Variants in HCN1 observed in about 807,000 individuals in gnomAD.
HCN1 encodes hyperpolarization activated cyclic nucleotide gated potassium channel 1.
Under a neutral mutation model 78.9 loss-of-function variants are expected in HCN1, and 13 were observed. That is an observed-to-expected ratio of 0.16 (90% CI 0.11 to 0.26). The LOEUF (loss-of-function observed/expected upper bound fraction) is 0.26. Ranked by LOEUF, HCN1 falls within the 10% of genes least tolerant of loss-of-function variation. The pLI, the probability that HCN1 is intolerant of heterozygous loss-of-function variation, is 1.00. For missense variants in HCN1, 810 were observed against 1,154.3 expected (o/e 0.70, Z 4.32); for synonymous variants, 552 against 455.5 (o/e 1.21, Z -2.70).
chr5:45,324,088 GC>G (rs35429650), intron 5 of HCN1, among the ~76,000 whole-genome samples: 34,629 of 151,708 alleles, frequency 0.23, 5,056 homozygotes, highest in African/African-American at 0.41. Context: ...TAATGGGATG[GC>G]TGGGTCAAAT....
At chr5:45,519,231 C>A (rs1242954245) in intron 2 of HCN1, among the ~76,000 whole-genome samples, 2 of 151,878 alleles carry the variant, frequency 1.3e-5, no homozygotes, top group East Asian at 3.9e-4. Flanking sequence ...CCTAAGTAAT[C>A]AAGATAATGA....
chr5:45,580,556 C>CT (rs1300270895), intron 2 of HCN1, among the ~76,000 whole-genome samples: 1 of 151,688 alleles, frequency 6.6e-6, no homozygotes, highest in Non-Finnish European at 1.5e-5. Context: ...GTTTATTATA[C>CT]TTTTAAGTTT....
chr5:45,672,393 G>A lies in HCN1; in HGVS notation c.425+23276C>T, dbSNP rs1013454773. 2.8e-4 allele frequency among the ~76,000 whole-genome samples: 43 copies of A among 151,544 alleles called. No homozygotes were observed. In the Middle Eastern group the frequency reaches 0.01, roughly 36 times the overall value. ...AGCTTCTTTAGGACTCAGTGAGCTT[G>A]AACAGACAGAAGGATGTTTTCAGAT... is the stretch of plus-strand genomic sequence containing the variant. On this transcript the variant is annotated intron_variant, in intron 1 of 7. Coordinates refer to ENST00000303230, the MANE Select transcript of HCN1 (RefSeq NM_021072.4).
At chr5:45,344,126 G>T (rs1031826371) in intron 5 of HCN1, among the ~76,000 whole-genome samples, 1 of 152,082 alleles carries the variant, frequency 6.6e-6, no homozygotes, top group Non-Finnish European at 1.5e-5. Flanking sequence ...TTCACAAGAT[G>T]GCAGCAAGGA....
intron 4 of HCN1, among the ~76,000 whole-genome samples, chr5:45,373,985 A>T (rs1472589207): frequency 1.8e-5 from 2 of 112,608 alleles, no homozygotes; most frequent in African/African-American, 4.3e-5. Context: ...TAGATACATA[A>T]TATATATAAT....
chr5:45,644,012 C>A (rs1024690559), intron 2 of HCN1: 3 of 151,876 alleles, frequency 2.0e-5, no homozygotes, highest in Non-Finnish European at 4.4e-5. Context: ...ATTTTTATGC[C>A]TTTTTATCAG....
chr5:45,487,328 G>T (rs1167247869), intron 2 of HCN1, among the ~76,000 whole-genome samples: 1 of 151,988 alleles, frequency 6.6e-6, no homozygotes, highest in Non-Finnish European at 1.5e-5. Flanking sequence ...TCTTCATTTG[G>T]TAACTATATA....
chr5:45,374,065 A>T (rs1235113938), intron 4 of HCN1, among the ~76,000 whole-genome samples: 74 of 105,346 alleles, frequency 7.0e-4, no homozygotes, highest in Non-Finnish European at 1.0e-3. Flanking sequence ...TTATATATAT[A>T]ATATATATAA....
At chr5:45,305,564 A>C (rs1167160548) in intron 5 of HCN1, among the ~76,000 whole-genome samples, 1 of 152,110 alleles carries the variant, frequency 6.6e-6, no homozygotes, top group Non-Finnish European at 1.5e-5. Flanking sequence ...GAAATTTGTG[A>C]TAATTTTAGC....
intron 4 of HCN1, among the ~76,000 whole-genome samples, chr5:45,373,152 TA>T (rs975543772): frequency 1.6e-3 from 204 of 125,488 alleles, no homozygotes; most frequent in Non-Finnish European, 2.8e-3. Context: ...ATAATATATA[TA>T]AAAATATATG....
intron 1 of HCN1, among the ~76,000 whole-genome samples, chr5:45,655,177 A>G (rs1745742312): frequency 6.6e-6 from 1 of 152,102 alleles, no homozygotes; most frequent in Admixed American, 6.6e-5. Flanking sequence ...TCTGGATATA[A>G]CAATTTGTCT....
Position 45,258,913 on chromosome 5 carries a change from AC to A in HCN1, c.*3007del, listed in dbSNP as rs1579759980. 1.3e-5 allele frequency: 2 copies of A among 152,064 alleles called. No homozygotes were observed. Among genetic ancestry groups the A allele is most frequent in the East Asian group, 3.8e-4 (2 of 5,198 alleles). 9.4% of individuals were successfully genotyped at this position (152,064 alleles called of 1,614,324 possible). On this transcript the variant is annotated 3_prime_UTR_variant, in exon 8 of 8. Coordinates refer to ENST00000303230, the MANE Select transcript of HCN1 (RefSeq NM_021072.4). ...TACAGGACAATTATTTACCATTATT[AC>A]AGGAAAATTATTTCTCATCTGTATA...
At chr5:45,544,909 T>C (rs1345016906) in intron 2 of HCN1, among the ~76,000 whole-genome samples, 1 of 152,152 alleles carries the variant, frequency 6.6e-6, no homozygotes, top group African/African-American at 2.4e-5. Flanking sequence ...GCAATAAACA[T>C]ATGTGTGCAT....
chr5:45,519,430 G>A lies in HCN1; in HGVS notation c.850-57423C>T, dbSNP rs1052682144. On this transcript the variant is annotated intron_variant, in intron 2 of 7. Transcript: ENST00000303230. ...TGCTAATTTTTTAGTAGATAAGTCC[G>A]AAAAGTAGGCCATAGTAGTTCTACT... Among the ~76,000 whole-genome samples, 3 of 151,908 alleles carry A rather than the reference G, an allele frequency of 2.0e-5. No homozygotes were observed. The South Asian group carries it at 6.2e-4, about 31-fold the overall frequency.
chr5:45,677,966 G>A lies in HCN1; in HGVS notation c.425+17703C>T, dbSNP rs544122109. 3.3e-4 allele frequency among the ~76,000 whole-genome samples: 49 copies of A among 149,366 alleles called. 1 individual carries two copies. Among genetic ancestry groups the A allele is most frequent in the Admixed American group, 1.7e-3 (25 of 14,936 alleles). On this transcript the variant is annotated intron_variant, in intron 1 of 7. Coordinates refer to ENST00000303230, the MANE Select transcript of HCN1 (RefSeq NM_021072.4). The stretch of plus-strand genomic sequence containing the variant: ...GTGATACCTACCTCATCTTTCCAAA[G>A]ATTAAACACATACACACACACATAC...
rs1209493542 is a variant in HCN1, at chr5:45,504,952, T to A, written c.850-42945A>T. 3.3e-5 allele frequency among the ~76,000 whole-genome samples: 5 copies of A among 152,200 alleles called. No individual in the cohort carries two copies. In the East Asian group the frequency reaches 5.8e-4, roughly 18 times the overall value. On this transcript the variant is annotated intron_variant, in intron 2 of 7. Coordinates refer to ENST00000303230, the MANE Select transcript of HCN1 (RefSeq NM_021072.4). ...GCCCACTTTTTGATGGGGTTGTTTG[T>A]TTTTTTCTTGTAAATTTGTTTGAGT...
At chr5:45,440,905 T>A (rs1364927895) in intron 3 of HCN1, among the ~76,000 whole-genome samples, 2 of 152,190 alleles carry the variant, frequency 1.3e-5, no homozygotes, top group Non-Finnish European at 2.9e-5. Context: ...CAAGACCCAT[T>A]GGGATTTGGC....
chr5:45,607,956 A>G (rs905131576), intron 2 of HCN1, among the ~76,000 whole-genome samples: 10 of 151,878 alleles, frequency 6.6e-5, no homozygotes, highest in Non-Finnish European at 1.3e-4. Flanking sequence ...CACAGATCTG[A>G]TTATATATAA....
intron 5 of HCN1, among the ~76,000 whole-genome samples, chr5:45,316,901 A>C (rs2111928096): frequency 6.6e-6 from 1 of 152,318 alleles, no homozygotes; most frequent in South Asian, 2.1e-4. Context: ...ACCACTGCTC[A>C]ACGAAATAAA....
Sources: allele counts gnomAD v4.1 joint callset (sites outside exome capture counted in the v4.1 genomes callset), GRCh38; gene constraint gnomAD v4.1.1; transcripts MANE v1.5; gene names NCBI Gene and HGNC (gene_info 2026-07-23, HGNC 2026-07-21).